Variants in SEL1L2 observed in about 807,000 individuals in gnomAD.
SEL1L2 encodes SEL1L2 adaptor subunit of SYVN1 ubiquitin ligase.
Under a neutral mutation model 98.8 loss-of-function variants are expected in SEL1L2, and 89 were observed. That is an observed-to-expected ratio of 0.90 (90% CI 0.76 to 1.07). The LOEUF is 1.07. Ranked by LOEUF, SEL1L2 falls within the 50% of genes least tolerant of loss-of-function variation. The pLI, the probability that SEL1L2 is intolerant of heterozygous loss-of-function variation, is 0.00. For missense variants in SEL1L2, 788 were observed against 812.0 expected, an observed-to-expected ratio of 0.97 and a Z score of 0.36; for synonymous variants, 262 against 278.5, an observed-to-expected ratio of 0.94 and a Z score of 0.59.
chr20:13,908,103 CTTTTTTTTTTTTT>C (rs71188195), intron 5 of SEL1L2, among the ~76,000 whole-genome samples: 7 of 26,746 alleles, frequency 2.6e-4, no homozygotes, highest in Admixed American at 7.6e-4. Context: ...TTTCTTGGTT[CTTTTTTTTTTTTT>C]TTTTTTTTTT....
At chr20:13,852,048 G>C (rs958332427) in intron 18 of SEL1L2, among the ~76,000 whole-genome samples, 1 of 152,148 alleles carries the variant, frequency 6.6e-6, no homozygotes, top group African/African-American at 2.4e-5. Context: ...ACCCTAATTT[G>C]TGTCTCTGAT....
intron 18 of SEL1L2, among the ~76,000 whole-genome samples, chr20:13,858,016 G>A (rs1989435028): frequency 6.6e-6 from 1 of 152,094 alleles, no homozygotes; most frequent in African/African-American, 2.4e-5. Flanking sequence ...AACATGGGAA[G>A]CTTACACTGC....
Position 13,850,278 on chromosome 20 carries a change from T to C in SEL1L2, c.1860A>G (p.Gln620=). The C allele has an allele frequency of 6.2e-7, 1 of 1,614,116 alleles. No individual in the cohort carries two copies. Among genetic ancestry groups the C allele is most frequent in the Non-Finnish European group, 8.5e-7 (1 of 1,179,948 alleles). ...CAGGTATGTGGGCATCTGGACTCGT[T>C]TGAGCAGCCATGTCGTACAATCTTC... ...LARRLYDMAA[Q]TSPDAHIPVL... Residue 620 remains glutamine (Q), a synonymous_variant, in exon 19 of 20, where the codon CAA becomes CAG. Transcript: ENST00000284951.
chr20:13,953,487 A>C (rs966637367), intron 2 of SEL1L2, among the ~76,000 whole-genome samples: 1 of 152,124 alleles, frequency 6.6e-6, no homozygotes, highest in African/African-American at 2.4e-5. Flanking sequence ...TTATTTTAAC[A>C]GCAGTTAGAT....
intron 12 of SEL1L2, among the ~76,000 whole-genome samples, chr20:13,874,834 T>A (rs1290412973): frequency 6.6e-6 from 1 of 152,210 alleles, no homozygotes; most frequent in Admixed American, 6.5e-5. Context: ...TTTGAGCACA[T>A]CTTTACTGCC....
At chr20:13,967,693 T>C (rs578075857) in intron 1 of SEL1L2, among the ~76,000 whole-genome samples, 1 of 152,316 alleles carries the variant, frequency 6.6e-6, no homozygotes, top group South Asian at 2.1e-4. Context: ...GCTCTTCCCA[T>C]TCTGAAGGAC....
At chr20:13,976,391 C>T (rs1016557582) in intron 1 of SEL1L2, among the ~76,000 whole-genome samples, 6 of 152,060 alleles carry the variant, frequency 3.9e-5, no homozygotes, top group Non-Finnish European at 7.4e-5. Flanking sequence ...ACATACTATA[C>T]TTTAGATTTA....
At chr20:13,897,020 TAC>T (rs976815840) in intron 5 of SEL1L2, among the ~76,000 whole-genome samples, 3 of 152,166 alleles carry the variant, frequency 2.0e-5, no homozygotes, top group African/African-American at 7.2e-5. Context: ...TCTACAAACC[TAC>T]AGTAGTCAAA....
intron 5 of SEL1L2, among the ~76,000 whole-genome samples, chr20:13,896,518 C>CAAA (rs1568923261): frequency 1.4e-5 from 2 of 142,952 alleles, no homozygotes; most frequent in Non-Finnish European, 3.1e-5. Context: ...CCCCCCCCCC[C>CAAA]ACACACAAAA....
At chr20:13,913,242 G>A (rs1424960793) in intron 5 of SEL1L2, among the ~76,000 whole-genome samples, 1 of 152,202 alleles carries the variant, frequency 6.6e-6, no homozygotes, top group Non-Finnish European at 1.5e-5. Flanking sequence ...ACAGCATGAA[G>A]TGAAAGTAGC....
At chr20:13,859,083 C>G (rs945143821) in intron 18 of SEL1L2, among the ~76,000 whole-genome samples, 179 bp downstream of exon 18, 1 of 152,220 alleles carries the variant, frequency 6.6e-6, no homozygotes, top group Non-Finnish European at 1.5e-5. Flanking sequence ...ACTTCTATCT[C>G]ATAAGGTTCA....
At chr20:13,941,757 T>C (rs112912394) in intron 2 of SEL1L2, among the ~76,000 whole-genome samples, 2,366 of 152,284 alleles carry the variant, frequency 0.016, 27 homozygotes, top group Non-Finnish European at 0.027. Flanking sequence ...TATGAAACAT[T>C]AAATGTATTT....
intron 17 of SEL1L2, among the ~76,000 whole-genome samples, chr20:13,860,646 TTTC>T (rs1989965444): frequency 6.6e-6 from 1 of 152,082 alleles, no homozygotes; most frequent in African/African-American, 2.4e-5. Context: ...TTTTTTTCTC[TTTC>T]TTCTTTTCCC....
chr20:13,927,524 G>C (rs907472203), intron 3 of SEL1L2, among the ~76,000 whole-genome samples: 4 of 152,134 alleles, frequency 2.6e-5, no homozygotes, highest in African/African-American at 9.7e-5. Context: ...ACTATAACTT[G>C]ATGTTAATCT....
chr20:13,886,011 C>T (rs1259242385), intron 9 of SEL1L2, among the ~76,000 whole-genome samples: 23 of 149,730 alleles, frequency 1.5e-4, no homozygotes, highest in African/African-American at 5.2e-4. Context: ...CACTCCAGCC[C>T]GGGCGACAGA....
intron 1 of SEL1L2, among the ~76,000 whole-genome samples, chr20:13,962,871 C>T (rs1160831887): frequency 1.3e-5 from 2 of 152,038 alleles, no homozygotes; most frequent in African/African-American, 4.8e-5. Flanking sequence ...CAAGACCCAC[C>T]TGGCCAACAT....
chr20:13,959,691 T>C (rs2050695689), intron 1 of SEL1L2, among the ~76,000 whole-genome samples: 1 of 152,164 alleles, frequency 6.6e-6, no homozygotes, highest in Non-Finnish European at 1.5e-5. Context: ...ATTCAGAAAA[T>C]GCTTTCCAAG....
intron 17 of SEL1L2, among the ~76,000 whole-genome samples, chr20:13,864,582 C>T (rs1349570954): frequency 6.6e-6 from 1 of 152,160 alleles, no homozygotes; most frequent in Non-Finnish European, 1.5e-5. Flanking sequence ...TATTCCTTAT[C>T]CATGTGATGC....
intron 5 of SEL1L2, among the ~76,000 whole-genome samples, chr20:13,901,004 C>G (rs1055017127): frequency 9.9e-5 from 15 of 151,666 alleles, no homozygotes; most frequent in Middle Eastern, 6.4e-3. Context: ...GTTTACTAAT[C>G]CTTTTGTCCT....
Sources: allele counts gnomAD v4.1 joint callset (sites outside exome capture counted in the v4.1 genomes callset), GRCh38; gene constraint gnomAD v4.1.1; transcripts MANE v1.5; gene names NCBI Gene and HGNC (gene_info 2026-07-23, HGNC 2026-07-21).